Variants in RAB38 observed in about 807,000 individuals in gnomAD.
RAB38 encodes RAB38, member RAS oncogene family.
RAB38 carries 15 observed loss-of-function variants against 18.4 expected under a neutral mutation model. That is an observed-to-expected ratio of 0.82 (90% CI 0.55 to 1.26). RAB38 has a LOEUF of 1.26. Among genes scored for constraint, RAB38 ranks in the 50% most tolerant of loss-of-function variants. The pLI is 0.00. For synonymous variants in RAB38, 101 were observed against 104.4 expected, an observed-to-expected ratio of 0.97 and a Z score of 0.20; for missense variants, 294 against 267.4, an observed-to-expected ratio of 1.10 and a Z score of -0.69.
chr11:87,838,065 A>T, the RAB38 span, among the ~76,000 whole-genome samples: 1 of 152,020 alleles, frequency 6.6e-6, no homozygotes, highest in East Asian at 1.9e-4. Context: ...CGTGTGCAGC[A>T]CTTCCCAATA....
the RAB38 span, among the ~76,000 whole-genome samples, chr11:87,845,185 A>G: frequency 6.6e-6 from 1 of 152,206 alleles, no homozygotes; most frequent in Non-Finnish European, 1.5e-5. Context: ...TACTTGACAT[A>G]CAAAGAACCA....
intron 1 of RAB38, among the ~76,000 whole-genome samples, chr11:88,164,261 G>A (rs887053319): frequency 7.4e-6 from 1 of 134,718 alleles, no homozygotes; most frequent in South Asian, 2.5e-4. Flanking sequence ...GCTCTCGGTG[G>A]GGGGGGGTGC....
At chr11:88,154,999 T>TG (rs1392124695) in intron 1 of RAB38, among the ~76,000 whole-genome samples, 1 of 152,228 alleles carries the variant, frequency 6.6e-6, no homozygotes, top group East Asian at 1.9e-4. Context: ...GGCAGCTCTC[T>TG]AGGCATCTGA....
At chr11:88,145,687 A>G (rs1942976556) in intron 2 of RAB38, among the ~76,000 whole-genome samples, 1 of 152,224 alleles carries the variant, frequency 6.6e-6, no homozygotes, top group African/African-American at 2.4e-5. Flanking sequence ...GATTATAAAA[A>G]TGGGATATGG....
chr11:87,835,211 C>A, the RAB38 span, among the ~76,000 whole-genome samples: 7 of 152,102 alleles, frequency 4.6e-5, no homozygotes, highest in Non-Finnish European at 4.4e-5. Flanking sequence ...GAGCAGAAAC[C>A]AAGGGAAGCC....
the RAB38 span, among the ~76,000 whole-genome samples, chr11:87,821,544 G>A: frequency 6.6e-5 from 10 of 152,202 alleles, no homozygotes; most frequent in African/African-American, 2.2e-4. Flanking sequence ...GTCTAAACAA[G>A]CACTGCTTAT....
At chr11:88,168,912 C>A (rs1565222588) in intron 1 of RAB38, among the ~76,000 whole-genome samples, 1 of 152,146 alleles carries the variant, frequency 6.6e-6, no homozygotes, top group Non-Finnish European at 1.5e-5. Flanking sequence ...ATCAGCCCCC[C>A]TAATACCTTA....
chr11:87,852,371 C>T, the RAB38 span, among the ~76,000 whole-genome samples: 1 of 152,134 alleles, frequency 6.6e-6, no homozygotes, highest in African/African-American at 2.4e-5. Context: ...CATCAACCTT[C>T]TAGTCATTTC....
chr11:88,108,834 G>A (rs1942436721), downstream of RAB38, among the ~76,000 whole-genome samples: 2 of 152,232 alleles, frequency 1.3e-5, no homozygotes, highest in South Asian at 4.2e-4. Context: ...AGGCGTGGTG[G>A]TGACAAAATC....
At chr11:87,805,072 A>C in the RAB38 span, among the ~76,000 whole-genome samples, 15 of 152,170 alleles carry the variant, frequency 9.9e-5, no homozygotes, top group African/African-American at 3.6e-4. Context: ...CTGTGTTCTA[A>C]GCAATATATG....
chr11:87,964,579 C>T, the RAB38 span, among the ~76,000 whole-genome samples: 87 of 152,040 alleles, frequency 5.7e-4, no homozygotes, highest in Middle Eastern at 3.4e-3. Context: ...TATAAATAGA[C>T]GATGGGAGAA....
At chr11:87,896,281 C>A in the RAB38 span, among the ~76,000 whole-genome samples, 1 of 151,642 alleles carries the variant, frequency 6.6e-6, no homozygotes, top group Non-Finnish European at 1.5e-5. Context: ...GCCATTCAAC[C>A]CTTCCCCAGC....
chr11:88,024,720 C>A, the RAB38 span, among the ~76,000 whole-genome samples: 7 of 152,022 alleles, frequency 4.6e-5, no homozygotes, highest in African/African-American at 1.7e-4. Context: ...CTGTCATTTG[C>A]AACAACATGG....
the RAB38 span, among the ~76,000 whole-genome samples, chr11:87,903,873 AGAAG>A: frequency 6.6e-6 from 1 of 151,714 alleles, no homozygotes; most frequent in Admixed American, 6.6e-5. Flanking sequence ...AGTAGCATAT[AGAAG>A]GAAGTACTTT....
the RAB38 span, among the ~76,000 whole-genome samples, chr11:87,946,940 G>A: frequency 1.3e-5 from 1 of 76,086 alleles, no homozygotes; most frequent in Non-Finnish European, 2.6e-5. Context: ...GGTATTTCTA[G>A]TTCTAGATCC....
chr11:87,814,497 A>G, the RAB38 span, among the ~76,000 whole-genome samples: 1 of 152,242 alleles, frequency 6.6e-6, no homozygotes, highest in African/African-American at 2.4e-5. Context: ...TGCATGAAGT[A>G]CATAAAAGCA....
chr11:87,819,644 A>C, the RAB38 span, among the ~76,000 whole-genome samples: 14 of 150,430 alleles, frequency 9.3e-5, no homozygotes, highest in South Asian at 2.9e-3. Flanking sequence ...TTGAATTACA[A>C]GTTAGGATCT....
At chr11:87,905,782 A>C in the RAB38 span, among the ~76,000 whole-genome samples, 31 of 152,048 alleles carry the variant, frequency 2.0e-4, no homozygotes, top group Non-Finnish European at 2.1e-4. Context: ...TCAGCCAAAG[A>C]CTAAATAGGA....
the RAB38 span, among the ~76,000 whole-genome samples, chr11:88,005,243 T>C: frequency 4.0e-5 from 6 of 151,534 alleles, no homozygotes; most frequent in African/African-American, 1.4e-4. Context: ...TAGATTACTA[T>C]AAAGCCAATG....
Sources: gnomAD v4.1 joint callset for allele counts (sites outside exome capture counted in the v4.1 genomes callset) on GRCh38, gnomAD v4.1.1 for gene constraint, MANE v1.5 for transcripts, NCBI Gene and HGNC (gene_info 2026-07-23, HGNC 2026-07-21) for gene names.